Variants in HGS observed in about 807,000 individuals in gnomAD.
HGS encodes hepatocyte growth factor-regulated tyrosine kinase substrate, also known as human growth factor-regulated tyrosine kinase substrate.
HGS carries 63 observed loss-of-function variants against 109.7 expected under a neutral mutation model. The ratio of observed to expected loss-of-function variants is 0.57; its 90% confidence interval spans 0.47 to 0.71. The LOEUF (loss-of-function observed/expected upper bound fraction) is 0.71, where lower values mean the gene tolerates loss of function less well. Among genes scored for constraint, HGS ranks in the 30% least tolerant of loss-of-function variants. The pLI, the probability that HGS is intolerant of heterozygous loss-of-function variation, is 0.00. For synonymous variants in HGS, 546 were observed against 437.3 expected (o/e 1.25, Z -3.10); for missense variants, 995 against 1,068.3 (o/e 0.93, Z 0.96).
chr17:81,695,798 A>G lies in HGS; in HGVS notation c.1192A>G (p.Asn398Asp). The change falls in exon 15 of 22, where the codon AAT (asparagine) becomes GAT (aspartate). Residue 398 changes from asparagine to aspartate, a missense_variant. This residue lies in a region of HGS where 300 missense variants were observed against 235.4 expected (regional missense o/e 1.27). Transcript: ENST00000329138. Reference sequence around the variant, plus strand: ...GCTCTGCCTGCAGCCACAGTTCCACAATGGCGAGTCTGAGGAGAGCCACGA... The same window carrying G: ...GCTCTGCCTGCAGCCACAGTTCCACGATGGCGAGTCTGAGGAGAGCCACGA... ...GGPFSEPQFH[N>D]GESEESHEQF... is the part of the protein sequence containing the mutation. 1.2e-6 allele frequency: 2 copies of G among 1,613,396 alleles called. No individual in the cohort carries two copies. Among genetic ancestry groups the G allele is most frequent in the Non-Finnish European group, 1.7e-6 (2 of 1,179,984 alleles).
chr17:81,693,992 C>G (rs2037106934), intron 11 of HGS, 27 bp downstream of exon 11: 2 of 1,585,014 alleles, frequency 1.3e-6, no homozygotes, highest in Non-Finnish European at 8.6e-7. Context: ...CTGGAGCTCC[C>G]TCTCCTGGAA....
rs144638962 is a variant in HGS at position 81,696,907 on chromosome 17, C to T, written c.1791C>T (p.Gly597=). The change falls in exon 18 of 22, where the codon GGC becomes GGT. Residue 597 remains glycine (G), a synonymous_variant. Coordinates refer to ENST00000329138, the MANE Select transcript of HGS (RefSeq NM_004712.5). ...TCCCCAGCACCTTCAGCCCTGCCGGCTCGGTGGAGGGCTCCCCAATGCACG... is the reference window on the plus strand; with the variant it reads ...TCCCCAGCACCTTCAGCCCTGCCGGTTCGGTGGAGGGCTCCCCAATGCACG... The part of the protein sequence containing the change: ...ASFPSTFSPA[G]SVEGSPMHGV... The T allele has an allele frequency of 6.2e-7, 1 of 1,609,024 alleles. No individual in the cohort carries two copies. Among genetic ancestry groups the T allele is most frequent in the African/African-American group, 1.3e-5 (1 of 74,930 alleles).
At chr17:81,689,482 G>A (rs377279918) in intron 5 of HGS, among the ~76,000 whole-genome samples, 63 of 136,240 alleles carry the variant, frequency 4.6e-4, no homozygotes, top group African/African-American at 1.4e-3. Context: ...GGATGCATTT[G>A]GGAGTCTTGG....
chr17:81,689,880 C>T (rs1430725891), intron 5 of HGS, among the ~76,000 whole-genome samples: 1 of 152,128 alleles, frequency 6.6e-6, no homozygotes, highest in East Asian at 1.9e-4. Context: ...GGCCAGAGAG[C>T]AGAGGGTGAG....
At chr17:81,696,316 T>C in intron 15 of HGS, 41 bp from the exon 16 acceptor site, 4 of 1,490,660 alleles carry the variant, frequency 2.7e-6, no homozygotes, top group Non-Finnish European at 2.7e-6. Flanking sequence ...TTCTCGGCAC[T>C]GTGCCGGAGT....
chr17:81,697,090 GT>G, intron 18 of HGS, 92 bp downstream of exon 18: 4 of 1,329,946 alleles, frequency 3.0e-6, no homozygotes, highest in Non-Finnish European at 4.1e-6. Context: ...GGTGCGAAGG[GT>G]TTTCCCAGTT....
At chr17:81,696,575 C>A (rs368793331) in intron 16 of HGS, 32 bp from the exon 17 acceptor site, 6 of 1,561,240 alleles carry the variant, frequency 3.8e-6, no homozygotes, top group Non-Finnish European at 5.2e-6. Flanking sequence ...TGGGGGACCT[C>A]GCAGCATAAC....
In HGS at chr17:81,696,733, CT is replaced by C. The variant is rs2062162420; in HGVS notation, c.1694del (p.Leu565ArgfsTer45). 6.2e-7 allele frequency: 1 copy of C among 1,607,258 alleles called. No homozygotes were observed. Among genetic ancestry groups the C allele is most frequent in the Non-Finnish European group, 8.5e-7 (1 of 1,176,294 alleles). ...GCGCGCGCAGATGCCCGCCTTCCCC[CT>C]GCCCTACGCCCAGGCATGTGCCATC... ...QMRAQMPAFPLPYAQLQAMPA... is the reference protein window; with the variant it reads ...QMRAQMPAFPXPYAQLQAMPA... On this transcript the variant is annotated frameshift_variant, in exon 17 of 22. Coordinates refer to ENST00000329138, the MANE Select transcript of HGS (RefSeq NM_004712.5). LOFTEE classifies it high-confidence loss of function.
At position 81,693,626 on chromosome 17, in the gene HGS, C is replaced by T. The variant is rs767515818; in HGVS notation, c.742-28C>T. On this transcript the variant is annotated intron_variant, in intron 9 of 21. Coordinates refer to ENST00000329138, the MANE Select transcript of HGS (RefSeq NM_004712.5). ...CCGTGGGCACCTCTTCCCCGGCGCC[C>T]CCCCTCACCCTCCCCGCTTGTCCTC... The T allele has an allele frequency of 1.1e-5, 17 of 1,546,734 alleles. No individual in the cohort carries two copies. The African/African-American group carries it at 2.0e-4, about 19-fold the overall frequency.
chr17:81,696,897 G>C lies in HGS; in HGVS notation c.1781G>C (p.Ser594Thr). The C allele has an allele frequency of 1.9e-6, 3 of 1,609,980 alleles. No individual in the cohort carries two copies. The highest frequency in any genetic ancestry group is 2.5e-6 in the Non-Finnish European group (3 of 1,179,802). ...CCAGCCAGCTTCCCCAGCACCTTCA[G>C]CCCTGCCGGCTCGGTGGAGGGCTCC... ...SGPASFPSTF[S>T]PAGSVEGSPM... The change falls in exon 18 of 22, where the codon AGC becomes ACC. Residue 594 changes from serine to threonine, a missense_variant. Ser to Thr is a moderately conservative substitution (Grantham distance 58, BLOSUM62 1). Transcript: ENST00000329138.
rs893547147 is a variant in HGS, at chr17:81,685,749, G to A, written c.122+60G>A. ...AGCAGCCGTGCACTAAGCTGGGCTC[G>A]CTTGGTGCCCGTTGGGTCTCCACGA... is the stretch of plus-strand genomic sequence containing the variant. On this transcript the variant is annotated intron_variant, in intron 2 of 21. Transcript: ENST00000329138. 15 of 1,365,530 alleles carry A rather than the reference G, an allele frequency of 1.1e-5. No individual in the cohort carries two copies. The East Asian group carries it at 1.2e-4, about 11-fold the overall frequency. The allele number at this position is 1,365,530 out of a possible 1,614,324, so 84.6% of individuals were successfully genotyped here.
intron 4 of HGS, 26 bp from the exon 5 acceptor site, chr17:81,688,678 C>T (rs1242686204): frequency 1.9e-6 from 3 of 1,612,270 alleles, no homozygotes; most frequent in East Asian, 2.2e-5. Flanking sequence ...GTCCTGCGAC[C>T]CTCACCCCCT....
chr17:81,700,414 C>A (rs1486117462), intron 18 of HGS, 53 bp from the exon 19 acceptor site: 8 of 1,482,664 alleles, frequency 5.4e-6, no homozygotes, highest in Non-Finnish European at 7.2e-6. Context: ...GTGTCCCTTC[C>A]TCTCCTCCCT....
intron 14 of HGS, among the ~76,000 whole-genome samples, chr17:81,695,486 A>G (rs2037131648): frequency 6.6e-6 from 1 of 152,256 alleles, no homozygotes; most frequent in Non-Finnish European, 1.5e-5. Flanking sequence ...TAGAACCATC[A>G]GATGAGTCCT....
Position 81,686,351 on chromosome 17 carries a change from C to A in HGS, c.162C>A (p.Asn54Lys), listed in dbSNP as rs151304315. ...YAVNSIKKKV[N>K]DKNPHVALYA... ...TGAATTCCATCAAGAAGAAAGTCAACGACAAGAACCCACACGTCGCCTTGT... is the reference window on the plus strand; with the variant it reads ...TGAATTCCATCAAGAAGAAAGTCAAAGACAAGAACCCACACGTCGCCTTGT... The change falls in exon 3 of 22, where the codon AAC becomes AAA. Residue 54 changes from asparagine (N) to lysine (K), a missense_variant. Physicochemically the swap from Asn to Lys is moderately conservative, Grantham distance 94. Around this residue, in one of 6 missense-constraint regions of HGS, gnomAD observed 182 missense variants for 261.3 expected, o/e 0.70. Transcript: ENST00000329138. 6.2e-7 allele frequency: 1 copy of A among 1,613,690 alleles called. No homozygotes were observed. Among genetic ancestry groups the A allele is most frequent in the Admixed American group, 1.7e-5 (1 of 59,996 alleles).
intron 6 of HGS, 185 bp downstream of exon 6, chr17:81,690,419 G>A (rs1041827175): frequency 2.3e-5 from 16 of 683,666 alleles, no homozygotes; most frequent in African/African-American, 3.6e-5. Context: ...TGGAGACGTG[G>A]CTTGAGGGCC....
Position 81,686,907 on chromosome 17 carries a change from G to A in HGS, c.199-96G>A, listed in dbSNP as rs2036988017. On this transcript the variant is annotated intron_variant, in intron 3 of 21. Transcript: ENST00000329138. ...CCGGCCACTGACGGGCCTGTCGAAG[G>A]GCTCTGCTGTCCCACAGGGAGGTGG... 7.3e-6 allele frequency: 7 copies of A among 963,726 alleles called. No homozygotes were observed. The Admixed American group carries it at 1.5e-4, about 21-fold the overall frequency. 59.7% of individuals were successfully genotyped at this position (963,726 alleles called of 1,614,324 possible). A position where few individuals can be genotyped will look rare whatever the true frequency, so the allele number is the denominator to read the frequency against.
In HGS at chr17:81,700,517, C is replaced by G. The variant is rs769598169; in HGVS notation, c.1933C>G (p.Gln645Glu). The G allele has an allele frequency of 1.2e-6, 2 of 1,608,068 alleles. No individual in the cohort carries two copies. The highest frequency in any genetic ancestry group is 2.2e-5 in the South Asian group (2 of 90,482). Residue 645 changes from glutamine to glutamate, a missense_variant, in exon 19 of 22, where the codon CAG becomes GAG. By Grantham distance (29) the Gln-to-Glu change is conservative. Transcript: ENST00000329138. ...GTACCCAGCAGGGGCCACTGGGGCG[C>G]AGGCGGCCCCCCAGGCCCAGGCCGG... ...YMYPAGATGA[Q>E]AAPQAQAGPT...
In HGS at chr17:81,701,087, C is replaced by A; in HGVS notation, c.2179C>A (p.Pro727Thr). 1 of 1,614,090 alleles carries A rather than the reference C, an allele frequency of 6.2e-7. No homozygotes were observed. Among genetic ancestry groups the A allele is most frequent in the African/African-American group, 1.3e-5 (1 of 75,072 alleles). Reference protein sequence around the residue: ...TLPSQDASLPPQQPYIAGQQP... With the variant: ...TLPSQDASLPTQQPYIAGQQP... ...CCCAAGCCAGGATGCGTCTCTGCCA[C>A]CCCAGCAGCCCTACATCGCGGGGCA... Residue 727 changes from proline (P) to threonine (T), a missense_variant, in exon 21 of 22, where the codon CCC (proline) becomes ACC (threonine). Transcript: ENST00000329138.
Sources: allele counts gnomAD v4.1 joint callset (sites outside exome capture counted in the v4.1 genomes callset), GRCh38; gene constraint gnomAD v4.1.1; regional missense constraint gnomAD v4.1.1; transcripts MANE v1.5; gene names NCBI Gene and HGNC (gene_info 2026-07-23, HGNC 2026-07-21).